Variants in SF3B1 observed in about 807,000 individuals in gnomAD.
The protein encoded by SF3B1 is pre-mRNA processing 10.
SF3B1 carries 12 observed loss-of-function variants against 153.8 expected under a neutral mutation model. The observed-to-expected ratio is 0.08, with a 90% CI of 0.05 to 0.13. The LOEUF (loss-of-function observed/expected upper bound fraction) is 0.13, where lower values mean the gene tolerates loss of function less well. Among genes scored for constraint, SF3B1 ranks in the 10% least tolerant of loss-of-function variants. The pLI is 1.00. For missense variants in SF3B1, 513 were observed against 1,606.1 expected (o/e 0.32, Z 11.63); for synonymous variants, 498 against 525.2 (o/e 0.95, Z 0.71).
chr2:197,402,250 CA>C lies in SF3B1; in HGVS notation c.2078-121del, dbSNP rs566270286. ...AACTGCAGAATATGTTCACATTAAACAAAATTAGGTAAAAGCAAAACATGAA... is the reference window on the plus strand; with the variant it reads ...AACTGCAGAATATGTTCACATTAAACAAATTAGGTAAAAGCAAAACATGAA... On this transcript the variant is annotated intron_variant, in intron 14 of 24. Transcript: ENST00000335508. This position sits in a 1 kb window ranked among gnomAD's most constrained non-coding sequence, Gnocchi z 4.6. 1.1e-3 allele frequency: 1,331 copies of C among 1,232,006 alleles called. 15 individuals carry two copies. In the African/African-American group the frequency reaches 0.018, roughly 17 times the overall value. The allele number at this position is 1,232,006 out of a possible 1,614,324, so 76.3% of individuals were successfully genotyped here.
At chr2:197,398,650 G>A in intron 20 of SF3B1, 69 bp from the exon 21 acceptor site, 1 of 1,411,716 alleles carries the variant, frequency 7.1e-7, no homozygotes. Flanking sequence ...CTTTTACTTA[G>A]CAATGTCATA....
intron 1 of SF3B1, among the ~76,000 whole-genome samples, chr2:197,424,680 T>C (rs553978339): frequency 7.2e-5 from 11 of 152,348 alleles, no homozygotes; most frequent in African/African-American, 2.2e-4. Context: ...GTCTTCCATT[T>C]TGTAGTCTTT....
At chr2:197,425,099 T>G (rs1372035856) in intron 1 of SF3B1, among the ~76,000 whole-genome samples, 1 of 151,978 alleles carries the variant, frequency 6.6e-6, no homozygotes, top group Non-Finnish European at 1.5e-5. Context: ...AAGGCTGCAG[T>G]GAGCCGAGAT....
chr2:197,429,021 A>C (rs2085383110), intron 1 of SF3B1, among the ~76,000 whole-genome samples: 1 of 152,164 alleles, frequency 6.6e-6, no homozygotes, highest in South Asian at 2.1e-4. Context: ...ATGAGAGAAC[A>C]TACCAAAATG....
intron 6 of SF3B1, among the ~76,000 whole-genome samples, chr2:197,416,246 C>T (rs889580037): frequency 6.6e-6 from 1 of 152,050 alleles, no homozygotes; most frequent in Non-Finnish European, 1.5e-5. Context: ...AGGAAGACCA[C>T]TATATCATAC....
chr2:197,409,618 A>T (rs1574536024), intron 7 of SF3B1, 152 bp downstream of exon 7: 1 of 693,060 alleles, frequency 1.4e-6, no homozygotes, highest in Non-Finnish European at 2.6e-6. Context: ...AAGTGGAAAA[A>T]ATTAGGCATA....
intron 5 of SF3B1, among the ~76,000 whole-genome samples, chr2:197,417,696 G>A (rs1354195065): frequency 2.0e-5 from 3 of 152,066 alleles, no homozygotes; most frequent in Admixed American, 6.6e-5. Context: ...GGCAGAGGGT[G>A]CGGTAAGCTG....
At chr2:197,394,175 ACT>A (rs1173113007) in intron 23 of SF3B1, among the ~76,000 whole-genome samples, 4 of 151,452 alleles carry the variant, frequency 2.6e-5, no homozygotes, top group Non-Finnish European at 4.4e-5. Flanking sequence ...CAAGAGTGAA[ACT>A]CTGTCTCAAA....
rs1253778471 is a variant in SF3B1, at chr2:197,392,345, A to T, written c.3873T>A (p.Asp1291Glu). ...IAHYPRIYND[D>E]KNTYIRYELD... ...GTTCATAACGAATATAGGTGTTCTT[A>T]TCATCGTTGTAGATTCTTGGGTAAT... The change falls in exon 25 of 25, where the codon GAT becomes GAA. Residue 1291 changes from aspartate to glutamate, a missense_variant. This residue lies in a region of SF3B1 where 33 missense variants were observed against 43.5 expected (regional missense o/e 0.76). Transcript: ENST00000335508. 1 of 1,488,584 alleles carries T rather than the reference A, an allele frequency of 6.7e-7. No homozygotes were observed. The highest frequency in any genetic ancestry group is 2.3e-5 in the East Asian group (1 of 44,272). The allele number at this position is 1,488,584 out of a possible 1,614,324, so 92.2% of individuals were successfully genotyped here.
At chr2:197,427,426 C>T (rs1026297384) in intron 1 of SF3B1, among the ~76,000 whole-genome samples, 11 of 152,136 alleles carry the variant, frequency 7.2e-5, no homozygotes, top group Admixed American at 7.2e-4. Flanking sequence ...TAAAATTAAG[C>T]CGTCAGATTC....
intron 9 of SF3B1, 43 bp downstream of exon 9, chr2:197,407,955 A>C (rs1374628144): frequency 1.3e-6 from 2 of 1,565,908 alleles, no homozygotes; most frequent in Non-Finnish European, 1.7e-6. Flanking sequence ...TTTAAAATAA[A>C]TGTATATCCT....
At chr2:197,409,715 CT>C in intron 7 of SF3B1, 54 bp downstream of exon 7, 1 of 1,342,942 alleles carries the variant, frequency 7.4e-7, no homozygotes, top group Non-Finnish European at 1.1e-6. Context: ...ACATTTCAGT[CT>C]GTAAACATAT....
intron 6 of SF3B1, among the ~76,000 whole-genome samples, chr2:197,414,693 A>G (rs2106002366): frequency 6.6e-6 from 1 of 152,336 alleles, no homozygotes; most frequent in South Asian, 2.1e-4. Context: ...AGAACTATGT[A>G]AGCAGGGAAA....
intron 2 of SF3B1, 150 bp from the exon 3 acceptor site, chr2:197,421,283 C>A (rs1559276103): frequency 7.5e-6 from 4 of 534,812 alleles, no homozygotes; most frequent in Non-Finnish European, 1.3e-5. Flanking sequence ...CACAATTGGT[C>A]TTCTTTCACT....
In SF3B1 at chr2:197,418,598, A is replaced by C; in HGVS notation, c.416-10T>G. 1 of 1,608,278 alleles carries C rather than the reference A, an allele frequency of 6.2e-7. No homozygotes were observed. The highest frequency in any genetic ancestry group is 8.5e-7 in the Non-Finnish European group (1 of 1,176,564). ...TCAGGGGTTTTCCCTCCTGCAGAAA[A>C]GAACAGCAACAGGAAAAAGAGTACA... On this transcript the variant is annotated splice_polypyrimidine_tract_variant and intron_variant, in intron 4 of 24. Transcript: ENST00000335508.
chr2:197,431,066 A>G (rs1264872285), intron 1 of SF3B1, among the ~76,000 whole-genome samples: 1 of 144,216 alleles, frequency 6.9e-6, no homozygotes, highest in Non-Finnish European at 1.5e-5. Flanking sequence ...CTCCCCACCA[A>G]TTCTGTCCCT....
In SF3B1 at chr2:197,398,605, T is replaced by C. The variant is rs2084902050; in HGVS notation, c.3014-24A>G. On this transcript the variant is annotated intron_variant, in intron 20 of 24. Transcript: ENST00000335508. ...ACCTATTTAATAGAAGTCAATAAAC[T>C]ATCAACATTTGAATTGCAACTTTTG... is the stretch of plus-strand genomic sequence containing the variant. 7 of 1,604,650 alleles carry C rather than the reference T, an allele frequency of 4.4e-6. No homozygotes were observed. The East Asian group carries it at 1.6e-4, about 36-fold the overall frequency.
chr2:197,400,919 C>T lies in SF3B1; in HGVS notation c.2514G>A (p.Val838=), dbSNP rs781436476. ...RNYRQLVDTT[V]ELANKVGAAE... ...CTGCACCTACTTTGTTTGCCAACTC[C>T]ACAGTAGTATCAACTAACTAAAAAG... The change falls in exon 18 of 25, where the codon GTG becomes GTA. Residue 838 remains valine, a synonymous_variant. Transcript: ENST00000335508. This position sits in a 1 kb window ranked among gnomAD's most constrained non-coding sequence, Gnocchi z 5.0. 6.2e-7 allele frequency: 1 copy of T among 1,611,544 alleles called. No homozygotes were observed. The highest frequency in any genetic ancestry group is 1.1e-5 in the South Asian group (1 of 91,004).
intron 4 of SF3B1, chr2:197,419,278 C>T (rs931622966): frequency 3.1e-6 from 1 of 319,512 alleles, no homozygotes; most frequent in Non-Finnish European, 5.8e-6. Context: ...TTATGATGCA[C>T]ACAGAAGCAA....
Sources: gnomAD v4.1 joint callset for allele counts (sites outside exome capture counted in the v4.1 genomes callset) on GRCh38, gnomAD v4.1.1 for gene constraint, gnomAD v4.1.1 regional missense constraint, Gnocchi (gnomAD v3.1) non-coding constraint, MANE v1.5 for transcripts, NCBI Gene and HGNC (gene_info 2026-07-23, HGNC 2026-07-21) for gene names.